Variants in ZNF254 observed in about 807,000 individuals in gnomAD.
The protein encoded by ZNF254 is zinc finger protein 254, also known as CTD-2017D11.1.
In ZNF254, 10 loss-of-function variants were observed where a neutral mutation model predicts 12.4. The ratio of observed to expected loss-of-function variants is 0.80; its 90% CI spans 0.50 to 1.36. The LOEUF is 1.36. Ranked by LOEUF, ZNF254 falls within the 40% of genes most tolerant of loss-of-function variation. The pLI is 0.00. For missense variants in ZNF254, 996 were observed against 763.9 expected (o/e 1.30, Z -3.58); for synonymous variants, 305 against 253.4 (o/e 1.20, Z -1.93).
At chr19:24,116,828 T>G (rs1225329334) in intron 3 of ZNF254, among the ~76,000 whole-genome samples, 4 of 152,146 alleles carry the variant, frequency 2.6e-5, no homozygotes, top group African/African-American at 9.7e-5. Context: ...TGTGGTTTTA[T>G]CTACTTTTGG....
intron 2 of ZNF254, among the ~76,000 whole-genome samples, chr19:24,069,232 C>T (rs1599637011): frequency 6.7e-6 from 1 of 150,142 alleles, no homozygotes; most frequent in African/African-American, 2.4e-5. Context: ...TCTTGAACTC[C>T]TGACCTCAGG....
chr19:24,070,763 T>C (rs1450688085), intron 2 of ZNF254, among the ~76,000 whole-genome samples: 2 of 152,140 alleles, frequency 1.3e-5, no homozygotes, highest in Non-Finnish European at 1.5e-5. Context: ...ACAGATGGGA[T>C]TGGGACATAT....
upstream of ZNF254, among the ~76,000 whole-genome samples, chr19:24,082,979 A>G (rs1244150831): frequency 6.6e-6 from 1 of 152,186 alleles, no homozygotes; most frequent in African/African-American, 2.4e-5. Flanking sequence ...GCAATTAGAG[A>G]AAAGAAATAA....
chr19:24,091,763 G>GA (rs1568450260), intron 1 of ZNF254: 1 of 764,052 alleles, frequency 1.3e-6, no homozygotes, highest in East Asian at 1.3e-4. Flanking sequence ...ATAGTGCTGG[G>GA]ATTACAGGTG....
At chr19:24,112,903 C>A (rs897144704) in intron 3 of ZNF254, among the ~76,000 whole-genome samples, 1 of 152,164 alleles carries the variant, frequency 6.6e-6, no homozygotes, top group Non-Finnish European at 1.5e-5. Context: ...CTACAAACAC[C>A]TCTATGCAAA....
chr19:24,067,854 A>G (rs1419018896), intron 2 of ZNF254, among the ~76,000 whole-genome samples: 2 of 152,140 alleles, frequency 1.3e-5, no homozygotes, highest in Non-Finnish European at 2.9e-5. Flanking sequence ...TGAGTCTTCC[A>G]CATAAGCCCT....
intron 1 of ZNF254, among the ~76,000 whole-genome samples, chr19:24,039,780 C>T (rs1300077522): frequency 6.6e-6 from 1 of 152,164 alleles, no homozygotes; most frequent in Non-Finnish European, 1.5e-5. Context: ...GGGAGTTGCA[C>T]AGAAGACTTG....
upstream of ZNF254, among the ~76,000 whole-genome samples, chr19:24,082,581 C>T (rs113059314): frequency 0.078 from 8,658 of 111,426 alleles, 612 homozygotes; most frequent in African/African-American, 0.21. Flanking sequence ...ACCTGGGAGG[C>T]GGAGGTTGCA....
At chr19:24,037,960 T>C (rs1378518777) in intron 1 of ZNF254, among the ~76,000 whole-genome samples, 2 of 152,184 alleles carry the variant, frequency 1.3e-5, no homozygotes, top group African/African-American at 4.8e-5. Context: ...TTGACTGGGC[T>C]GGTCTCGAAC....
chr19:24,041,233 G>C (rs1322214505), intron 1 of ZNF254, among the ~76,000 whole-genome samples: 1 of 152,228 alleles, frequency 6.6e-6, no homozygotes, highest in Non-Finnish European at 1.5e-5. Flanking sequence ...AGCCCTTCAG[G>C]CCCCCCACTG....
intron 2 of ZNF254, among the ~76,000 whole-genome samples, chr19:24,048,224 C>CAG (rs1328213597): frequency 3.3e-5 from 5 of 151,932 alleles, no homozygotes; most frequent in Admixed American, 3.3e-4. Flanking sequence ...TTGGGTTGAT[C>CAG]AGAGATTCAA....
chr19:24,033,583 A>T, exon 1 of ZNF254: 1 of 387,836 alleles, frequency 2.6e-6, no homozygotes, highest in Non-Finnish European at 5.1e-6. Context: ...GGAGAGACGC[A>T]CAGCTAAGAT....
chr19:24,118,428 T>C (rs139912279), intron 3 of ZNF254, among the ~76,000 whole-genome samples: 12 of 152,222 alleles, frequency 7.9e-5, no homozygotes, highest in African/African-American at 2.9e-4. Flanking sequence ...ATGTGATGGA[T>C]TTTCTTTTTC....
At chr19:24,048,003 CTTT>C (rs398034320) in intron 2 of ZNF254, among the ~76,000 whole-genome samples, 169 of 68,814 alleles carry the variant, frequency 2.5e-3, no homozygotes, top group African/African-American at 8.5e-3. Context: ...TTCTTTTCTT[CTTT>C]TTTTTTTTTT....
At chr19:24,062,557 A>C (rs1181577580) in intron 2 of ZNF254, among the ~76,000 whole-genome samples, 1 of 152,090 alleles carries the variant, frequency 6.6e-6, no homozygotes, top group Non-Finnish European at 1.5e-5. Context: ...TATACAGTCC[A>C]CAAGAGAGTG....
intron 1 of ZNF254, among the ~76,000 whole-genome samples, chr19:24,041,981 G>T (rs1970184829): frequency 6.6e-6 from 1 of 151,480 alleles, no homozygotes; most frequent in Non-Finnish European, 1.5e-5. Flanking sequence ...TTAGCTCAAG[G>T]TTTGTGAGTG....
exon 1 of ZNF254, chr19:24,033,543 G>C (rs1969844534): frequency 3.4e-6 from 1 of 291,560 alleles, no homozygotes; most frequent in African/African-American, 2.3e-5. Context: ...ACTCTGTGAC[G>C]GCCTCTGTTG....
intron 2 of ZNF254, chr19:24,046,371 T>TATATATATATATATATATATA (rs1970381916): frequency 3.9e-5 from 2 of 51,396 alleles, no homozygotes; most frequent in African/African-American, 1.6e-4. Flanking sequence ...TTTTATTATT[T>TATATATATATATATATATATA]TTTATATATA....
At chr19:24,122,120 C>T (rs1974523250) in intron 3 of ZNF254, among the ~76,000 whole-genome samples, 1 of 152,122 alleles carries the variant, frequency 6.6e-6, no homozygotes, top group Non-Finnish European at 1.5e-5. Flanking sequence ...TTTAAATATT[C>T]AGTTAAGTCA....
Sources: gnomAD v4.1 joint callset for allele counts (sites outside exome capture counted in the v4.1 genomes callset) on GRCh38, gnomAD v4.1.1 for gene constraint, MANE v1.5 for transcripts, NCBI Gene and HGNC (gene_info 2026-07-23, HGNC 2026-07-21) for gene names.